The following MDN1 variants were observed in gnomAD, a reference collection of about 807,000 sequenced individuals.
The protein encoded by MDN1 is midasin.
Under a neutral mutation model 669.2 loss-of-function variants are expected in MDN1, and 266 were observed. The observed-to-expected ratio is 0.40, with a 90% CI of 0.36 to 0.44. The LOEUF (loss-of-function observed/expected upper bound fraction) is 0.44, where lower values mean the gene tolerates loss of function less well. MDN1 is among the 20% of genes least tolerant of loss of function. The probability of loss-of-function intolerance (pLI) is 1.00; values close to 1 mark genes in which losing one functional copy is unlikely to be tolerated. For missense variants in MDN1, 5,940 were observed against 6,754.0 expected (o/e 0.88, Z 4.22); for synonymous variants, 2,385 against 2,457.1 (o/e 0.97, Z 0.87).
At chr6:89,683,567 C>G (rs144025317) in intron 72 of MDN1, among the ~76,000 whole-genome samples, 1 of 152,210 alleles carries the variant, frequency 6.6e-6, no homozygotes, top group Non-Finnish European at 1.5e-5. Context: ...TTGCTTTGCT[C>G]AAAGTATACA....
At chr6:89,745,153 G>GGAAGGAGGAAA in intron 29 of MDN1, 120 bp downstream of exon 29, 5 of 283,996 alleles carry the variant, frequency 1.8e-5, no homozygotes, top group Admixed American at 2.0e-4. Flanking sequence ...AAAAAAAAAA[G>GGAAGGAGGAAA]AAAAAAGAGG....
chr6:89,713,775 A>T (rs990745569), intron 46 of MDN1, among the ~76,000 whole-genome samples: 3 of 152,154 alleles, frequency 2.0e-5, no homozygotes. Context: ...ACAGCTGGGC[A>T]TGGTGGCTCA....
Position 89,810,021 on chromosome 6 carries a change from A to T in MDN1, c.103-6467T>A, listed in dbSNP as rs201141136. Among the ~76,000 whole-genome samples, 543 of 144,556 alleles carry T rather than the reference A, an allele frequency of 3.8e-3. 6 individuals are homozygous for T. The highest frequency in any genetic ancestry group is 0.01 in the African/African-American group (405 of 40,020). 94.8% of individuals were successfully genotyped at this position (144,556 alleles called of 152,430 possible). On this transcript the variant is annotated intron_variant, in intron 1 of 101. Coordinates refer to ENST00000369393, the MANE Select transcript of MDN1 (RefSeq NM_014611.3). ...AAAAAAAAAAAAAAAAAAAAAAAAA[A>T]AAAAATTAAGTTTGGAAGATTATAT...
chr6:89,718,870 G>A lies in MDN1; in HGVS notation c.6218C>T (p.Thr2073Ile). The change falls in exon 42 of 102, where the codon ACC (threonine) becomes ATC (isoleucine). Residue 2073 changes from threonine to isoleucine, a missense_variant. By Grantham distance (89) the Thr-to-Ile change is moderately conservative. Transcript: ENST00000369393. The part of the protein sequence containing the change: ...ILVGPASVGK[T>I]SLVQLLAHLT... The stretch of plus-strand genomic sequence containing the variant: ...GTGTGCCAGAAGCTGGACCAGGCTG[G>A]TCTTGCCCACAGAGGCTGGCCCGAC... 1.9e-6 allele frequency: 3 copies of A among 1,614,146 alleles called. No homozygotes were observed. Among genetic ancestry groups the A allele is most frequent in the Non-Finnish European group, 2.5e-6 (3 of 1,180,024 alleles).
At chr6:89,704,705 C>T (rs1312781323) in intron 53 of MDN1, among the ~76,000 whole-genome samples, 1 of 152,096 alleles carries the variant, frequency 6.6e-6, no homozygotes, top group Non-Finnish European at 1.5e-5. Flanking sequence ...TCCTGCCTCT[C>T]GAGTAGCTGG....
chr6:89,713,016 G>T lies in MDN1; in HGVS notation c.7218+132C>A. On this transcript the variant is annotated intron_variant, in intron 47 of 101. Coordinates refer to ENST00000369393, the MANE Select transcript of MDN1 (RefSeq NM_014611.3). ...TTTCCAGAAAAGTACCTGGATACCA[G>T]ATCTCTATTAGAGCAAACTGCAGTG... 17 of 1,000,920 alleles carry T rather than the reference G, an allele frequency of 1.7e-5. No homozygotes were observed. The South Asian group carries it at 2.9e-4, about 17-fold the overall frequency. The allele number at this position is 1,000,920 out of a possible 1,614,324, so 62.0% of individuals were successfully genotyped here. A position where few individuals can be genotyped will look rare whatever the true frequency, so the allele number is the denominator to read the frequency against.
chr6:89,723,655 G>T, intron 38 of MDN1, 36 bp from the exon 39 acceptor site: 1 of 1,269,596 alleles, frequency 7.9e-7, no homozygotes, highest in Non-Finnish European at 1.1e-6. Flanking sequence ...AAATGCCTTT[G>T]TTTCTCTTTA....
rs757392740 is a variant in MDN1, at chr6:89,700,730, C to T, written c.8554G>A (p.Ala2852Thr). Residue 2852 changes from alanine to threonine, a missense_variant, in exon 56 of 102, where the codon GCT (alanine) becomes ACT (threonine). This residue lies in a region of MDN1 where 2,292 missense variants were observed against 2,638.3 expected (regional missense o/e 0.87). Transcript: ENST00000369393. ...QEDINRLQVV[A>T]SQWTLKKSLL... ...CTTTTCTTTAATGTCCACTGAGAAG[C>T]AACCACTTGGAGACGGTTAATGTCT... 2 of 1,614,196 alleles carry T rather than the reference C, an allele frequency of 1.2e-6. No homozygotes were observed. Among genetic ancestry groups the T allele is most frequent in the South Asian group, 1.1e-5 (1 of 91,084 alleles).
At chr6:89,661,283 A>T in intron 88 of MDN1, 148 bp downstream of exon 88, 1 of 872,040 alleles carries the variant, frequency 1.1e-6, no homozygotes, top group Non-Finnish European at 1.8e-6. Flanking sequence ...CTACAAAGGA[A>T]AGGCAAACCA....
At chr6:89,727,984 C>T (rs756324417) in intron 36 of MDN1, 29 bp from the exon 37 acceptor site, 1 of 1,579,490 alleles carries the variant, frequency 6.3e-7, no homozygotes, top group East Asian at 2.2e-5. Context: ...TGGAAAGAAG[C>T]CATTATTACT....
In MDN1 at chr6:89,714,580, G is replaced by C; in HGVS notation, c.7032C>G (p.Leu2344=). Residue 2344 remains leucine (L), a synonymous_variant, in exon 46 of 102, where the codon CTC becomes CTG. Coordinates refer to ENST00000369393, the MANE Select transcript of MDN1 (RefSeq NM_014611.3). ...TCCGGGTCTCTGTGTGTAAAGCCAA[G>C]AGGATGTCACATACACTGTTCCCCA... ...GLVGNSVCDI[L]LALHTETRST... is the part of the protein sequence containing the mutation. 2 of 1,613,566 alleles carry C rather than the reference G, an allele frequency of 1.2e-6. No homozygotes were observed. Among genetic ancestry groups the C allele is most frequent in the African/African-American group, 2.7e-5 (2 of 75,010 alleles).
At chr6:89,750,592 C>A (rs1816887082) in intron 23 of MDN1, 60 bp from the exon 24 acceptor site, 4 of 1,479,522 alleles carry the variant, frequency 2.7e-6, no homozygotes, top group Non-Finnish European at 3.7e-6. Flanking sequence ...AGCTGAGAAA[C>A]CAGAACTGAG....
intron 76 of MDN1, 30 bp from the exon 77 acceptor site, chr6:89,676,237 A>C: frequency 6.3e-7 from 1 of 1,597,300 alleles, no homozygotes; most frequent in Non-Finnish European, 8.6e-7. Context: ...TGTTTACTTA[A>C]TTAAAACCAC....
chr6:89,652,253 C>T lies in MDN1; in HGVS notation c.15854G>A (p.Arg5285Lys). ...QPFLKDVNEL[R>K]QELERQLEMW... ...TTCCAGCTGTCTCTCCAGCTCCTGT[C>T]TTAGCTCATTGACATCTTTTAAAAA... The change falls in exon 95 of 102, where the codon AGA (arginine) becomes AAA (lysine). Residue 5285 changes from arginine to lysine, a missense_variant. By Grantham distance (26) the Arg-to-Lys change is conservative (BLOSUM62 2). This residue lies in a region of MDN1 where 2,280 missense variants were observed against 2,576.3 expected (regional missense o/e 0.88). Coordinates refer to ENST00000369393, the MANE Select transcript of MDN1 (RefSeq NM_014611.3). The T allele has an allele frequency of 6.2e-7, 1 of 1,613,958 alleles. No individual in the cohort carries two copies.
intron 33 of MDN1, among the ~76,000 whole-genome samples, chr6:89,736,738 G>A (rs1415666037): frequency 1.3e-5 from 2 of 152,198 alleles, no homozygotes; most frequent in Non-Finnish European, 2.9e-5. Context: ...AGGCCGCTGT[G>A]AGCCGTGATT....
In MDN1 at chr6:89,673,099, G is replaced by A. The variant is rs767516303; in HGVS notation, c.13474+137C>T. ...AAGTTAAGAGCTGTGGATTTCAACC[G>A]CACCTCCCTGCCTCAGAACCCTGGA... is the stretch of plus-strand genomic sequence containing the variant. On this transcript the variant is annotated intron_variant, in intron 80 of 101. Coordinates refer to ENST00000369393, the MANE Select transcript of MDN1 (RefSeq NM_014611.3). The A allele has an allele frequency of 3.2e-5, 23 of 725,344 alleles. 1 individual carries two copies. The South Asian group carries it at 3.2e-4, about 10-fold the overall frequency. 44.9% of individuals were successfully genotyped at this position (725,344 alleles called of 1,614,324 possible).
At position 89,793,706 on chromosome 6, in the gene MDN1, C is replaced by T. The variant is rs547400040; in HGVS notation, c.855+56G>A. The T allele has an allele frequency of 4.1e-4, 593 of 1,440,984 alleles. 1 individual carries two copies. The highest frequency in any genetic ancestry group is 5.4e-4 in the Non-Finnish European group (573 of 1,061,766). The allele number at this position is 1,440,984 out of a possible 1,614,324, so 89.3% of individuals were successfully genotyped here. A position where few individuals can be genotyped will look rare whatever the true frequency, so the allele number is the denominator to read the frequency against. On this transcript the variant is annotated intron_variant, in intron 5 of 101. Coordinates refer to ENST00000369393, the MANE Select transcript of MDN1 (RefSeq NM_014611.3). ...ACATAGAACCCAGCCAAAGACAGAG[C>T]ACACTCAGTGTTTAGTAGGGGGAAG...
intron 95 of MDN1, 37 bp from the exon 96 acceptor site, chr6:89,650,884 G>A: frequency 6.4e-7 from 1 of 1,563,344 alleles, no homozygotes; most frequent in Non-Finnish European, 8.8e-7. Context: ...CCCTCAGAAT[G>A]TCAGAGCCAA....
chr6:89,747,694 A>G (rs1002323574), intron 26 of MDN1, among the ~76,000 whole-genome samples: 1 of 151,392 alleles, frequency 6.6e-6, no homozygotes, highest in Non-Finnish European at 1.5e-5. Flanking sequence ...AATCGAGACC[A>G]TCCTGGCTAA....
Sources: gnomAD v4.1 joint callset for allele counts (sites outside exome capture counted in the v4.1 genomes callset) on GRCh38, gnomAD v4.1.1 for gene constraint, gnomAD v4.1.1 regional missense constraint, MANE v1.5 for transcripts, NCBI Gene and HGNC (gene_info 2026-07-23, HGNC 2026-07-21) for gene names.